Variants in SCFD2 observed in about 807,000 individuals in gnomAD.
SCFD2 encodes the protein sec1 family domain-containing protein 2.
A neutral mutation model predicts 58.9 loss-of-function variants in SCFD2; 54 were observed. The observed-to-expected ratio is 0.92, with a 90% confidence interval of 0.74 to 1.15. SCFD2 has a LOEUF of 1.15. SCFD2 is among the 50% of genes most tolerant of loss of function. SCFD2 has a pLI of 0.00. For missense variants in SCFD2, 805 were observed against 836.6 expected (o/e 0.96, Z 0.47); for synonymous variants, 321 against 335.9 (o/e 0.96, Z 0.49).
At chr4:53,217,160 G>T (rs1728872160) in intron 4 of SCFD2, among the ~76,000 whole-genome samples, 2 of 152,094 alleles carry the variant, frequency 1.3e-5, no homozygotes, top group South Asian at 2.1e-4. Context: ...TTTCTATTAG[G>T]TCCACTTGGT....
chr4:52,934,852 A>T (rs1399807303), intron 5 of SCFD2, among the ~76,000 whole-genome samples: 1 of 152,224 alleles, frequency 6.6e-6, no homozygotes, highest in Admixed American at 6.5e-5. Flanking sequence ...ATAAAAGAAG[A>T]TGACCACGCT....
chr4:53,089,579 C>T (rs192155160), intron 5 of SCFD2, among the ~76,000 whole-genome samples: 1 of 152,064 alleles, frequency 6.6e-6, no homozygotes, highest in African/African-American at 2.4e-5. Context: ...GTAAAAGAGA[C>T]AAATAACTAT....
At chr4:53,067,608 G>A (rs1282880977) in intron 5 of SCFD2, among the ~76,000 whole-genome samples, 2 of 151,916 alleles carry the variant, frequency 1.3e-5, no homozygotes, top group African/African-American at 4.8e-5. Context: ...TTTTATAAGG[G>A]ACTTCCCCCT....
intron 1 of SCFD2, among the ~76,000 whole-genome samples, chr4:53,362,322 G>A (rs1734569535): frequency 6.6e-6 from 1 of 152,170 alleles, no homozygotes; most frequent in Admixed American, 6.6e-5. Context: ...GGGAGATCAG[G>A]TATGGCCTTG....
intron 5 of SCFD2, among the ~76,000 whole-genome samples, chr4:53,130,834 G>A (rs1406122919): frequency 1.3e-5 from 2 of 152,168 alleles, no homozygotes; most frequent in Non-Finnish European, 2.9e-5. Flanking sequence ...ATAACTAAAA[G>A]GAAGAAAATG....
chr4:53,163,514 A>G (rs1726916991), intron 4 of SCFD2, among the ~76,000 whole-genome samples: 1 of 152,200 alleles, frequency 6.6e-6, no homozygotes, highest in South Asian at 2.1e-4. Context: ...ACTTGAGGTC[A>G]AGAGTTTGAG....
chr4:52,945,352 G>A (rs1720396069), intron 5 of SCFD2, among the ~76,000 whole-genome samples: 1 of 152,046 alleles, frequency 6.6e-6, no homozygotes, highest in African/African-American at 2.4e-5. Context: ...TAAAGGCACA[G>A]CCCAGAAAAT....
rs568827805 is a variant in SCFD2 at position 53,009,101 on chromosome 4, CTG to C, written c.1562-88233_1562-88232del. 3.5e-3 allele frequency among the ~76,000 whole-genome samples: 528 copies of C among 152,328 alleles called. 2 individuals carry two copies. Among genetic ancestry groups the C allele is most frequent in the African/African-American group, 0.012 (501 of 41,584 alleles). ...CGAACTTGCCATCTTCCATAAATGACTGTAAATTCCTACTACTTGCAAACTAT... is the reference window on the plus strand; with the variant it reads ...CGAACTTGCCATCTTCCATAAATGACTAAATTCCTACTACTTGCAAACTAT... On this transcript the variant is annotated intron_variant, in intron 5 of 8. Coordinates refer to ENST00000401642, the MANE Select transcript of SCFD2 (RefSeq NM_152540.4).
intron 5 of SCFD2, among the ~76,000 whole-genome samples, chr4:52,930,857 G>C (rs1214534401): frequency 6.6e-6 from 1 of 152,166 alleles, no homozygotes; most frequent in Non-Finnish European, 1.5e-5. Context: ...CAATGTTTGA[G>C]GTTATTTCTT....
intron 5 of SCFD2, among the ~76,000 whole-genome samples, chr4:52,951,644 T>C (rs1028672759): frequency 6.6e-6 from 1 of 152,162 alleles, no homozygotes; most frequent in African/African-American, 2.4e-5. Flanking sequence ...GATTAGTTCT[T>C]GTCAAGAGTC....
At chr4:53,030,319 A>C (rs182665108) in intron 5 of SCFD2, among the ~76,000 whole-genome samples, 1 of 152,216 alleles carries the variant, frequency 6.6e-6, no homozygotes, top group Non-Finnish European at 1.5e-5. Flanking sequence ...GAAACAAAAA[A>C]GGAAATCCTG....
intron 5 of SCFD2, among the ~76,000 whole-genome samples, chr4:52,930,266 C>A (rs993754242): frequency 1.3e-5 from 2 of 152,180 alleles, no homozygotes; most frequent in South Asian, 4.2e-4. Context: ...GGAAAGGATT[C>A]CCTATTTAAT....
At chr4:53,027,665 A>G (rs1233582022) in intron 5 of SCFD2, among the ~76,000 whole-genome samples, 2 of 150,914 alleles carry the variant, frequency 1.3e-5, no homozygotes, top group African/African-American at 4.9e-5. Context: ...CTGCCTTTAC[A>G]AAAAATACAA....
At chr4:53,312,957 A>G (rs1480942231) in intron 3 of SCFD2, among the ~76,000 whole-genome samples, 2 of 152,146 alleles carry the variant, frequency 1.3e-5, no homozygotes, top group African/African-American at 4.8e-5. Flanking sequence ...AAAAAATTAA[A>G]AGCCAAATTT....
chr4:53,251,105 C>T (rs185355383), intron 4 of SCFD2, among the ~76,000 whole-genome samples: 118 of 152,276 alleles, frequency 7.7e-4, no homozygotes, highest in African/African-American at 2.4e-3. Context: ...CTACAAACAC[C>T]TCTACGCAAA....
chr4:53,089,343 G>A lies in SCFD2; in HGVS notation c.1561+55990C>T, dbSNP rs141599644. Among the ~76,000 whole-genome samples the A allele has an allele frequency of 3.1e-3, 478 of 151,996 alleles. 1 individual carries two copies. The highest frequency in any genetic ancestry group is 0.011 in the African/African-American group (441 of 41,444). On this transcript the variant is annotated intron_variant, in intron 5 of 8. Transcript: ENST00000401642. ...TTCCAGCTCTTTTAATTGCCTTTTC[G>A]CTTTATTGCTAGTGTCCTTTGAAGC...
At chr4:53,126,787 G>A (rs1303789629) in intron 5 of SCFD2, among the ~76,000 whole-genome samples, 7 of 152,192 alleles carry the variant, frequency 4.6e-5, no homozygotes, top group Middle Eastern at 3.4e-3. Context: ...GAGAACCACC[G>A]TCTCGGCAGA....
intron 8 of SCFD2, 79 bp from the exon 9 acceptor site, chr4:52,874,140 T>C (rs1718415065): frequency 1.0e-6 from 1 of 954,302 alleles, no homozygotes; most frequent in Non-Finnish European, 1.7e-6. Flanking sequence ...AGAAATAGAA[T>C]GCAACAAATG....
chr4:53,248,704 T>C (rs1486005480), intron 4 of SCFD2, among the ~76,000 whole-genome samples: 1 of 151,686 alleles, frequency 6.6e-6, no homozygotes, highest in East Asian at 1.9e-4. Flanking sequence ...GGGTCTGGAG[T>C]AGACCTCTAG....
Sources: allele counts gnomAD v4.1 joint callset (sites outside exome capture counted in the v4.1 genomes callset), GRCh38; gene constraint gnomAD v4.1.1; transcripts MANE v1.5; gene names NCBI Gene and HGNC (gene_info 2026-07-23, HGNC 2026-07-21).